The following ZNF532 variants were observed in gnomAD, a reference collection of about 807,000 sequenced individuals.
ZNF532 encodes zinc finger protein 532.
ZNF532 carries 22 observed loss-of-function variants against 89.3 expected under a neutral mutation model. That is an observed-to-expected ratio of 0.25 (90% CI 0.18 to 0.35). ZNF532 has a LOEUF of 0.35. Ranked by LOEUF, ZNF532 falls within the 10% of genes least tolerant of loss-of-function variation. The probability of loss-of-function intolerance (pLI) is 1.00; values close to 1 mark genes in which losing one functional copy is unlikely to be tolerated. For synonymous variants in ZNF532, 606 were observed against 649.6 expected, an observed-to-expected ratio of 0.93 and a Z score of 1.02; for missense variants, 1,132 against 1,643.4, an observed-to-expected ratio of 0.69 and a Z score of 5.38.
intron 2 of ZNF532, among the ~76,000 whole-genome samples, chr18:58,901,406 G>A (rs2059592270): frequency 3.3e-5 from 5 of 152,174 alleles, no homozygotes; most frequent in Admixed American, 3.3e-4. Context: ...TCAAGTGTCT[G>A]TAGAGCCATT....
At chr18:58,970,717 CAA>C (rs2066391174) in intron 7 of ZNF532, among the ~76,000 whole-genome samples, 1 of 152,202 alleles carries the variant, frequency 6.6e-6, no homozygotes, top group Non-Finnish European at 1.5e-5. Flanking sequence ...GGTATTGACC[CAA>C]GAGTCCCCTG....
At chr18:58,896,050 A>G (rs754468935) in intron 2 of ZNF532, among the ~76,000 whole-genome samples, 84 of 151,656 alleles carry the variant, frequency 5.5e-4, no homozygotes, top group Non-Finnish European at 1.1e-3. Context: ...ATGAGGTCTC[A>G]CTCTGTTGCC....
chr18:58,918,870 G>A lies in ZNF532; in HGVS notation c.583G>A (p.Val195Met), dbSNP rs1308554069. The part of the protein sequence containing the change: ...SKTGLSTSGN[V>M]EKNKAVKRET... ...AACTGGACTCTCTACGTCAGGCAAT[G>A]TGGAGAAAAACAAAGCTGTTAAGAG... is the stretch of plus-strand genomic sequence containing the variant. Residue 195 changes from valine to methionine, a missense_variant, in exon 3 of 10, where the codon GTG becomes ATG. Around this residue, in one of 9 missense-constraint regions of ZNF532, gnomAD observed 302 missense variants for 319.8 expected, o/e 0.94. Transcript: ENST00000591808. 2 of 1,614,146 alleles carry A rather than the reference G, an allele frequency of 1.2e-6. No individual in the cohort carries two copies. The highest frequency in any genetic ancestry group is 1.1e-5 in the South Asian group (1 of 91,086).
intron 2 of ZNF532, among the ~76,000 whole-genome samples, chr18:58,897,480 ATTTGCTGTATTTCACTGTAAACAG>A (rs2059325213): frequency 6.6e-6 from 1 of 152,242 alleles, no homozygotes; most frequent in Non-Finnish European, 1.5e-5. Context: ...AAATAATAGA[ATTTGCTGTATTTCACTGTAAACAG>A]TTTTGAGAAT....
chr18:58,870,895 T>C (rs1224130302), intron 2 of ZNF532, among the ~76,000 whole-genome samples: 9 of 152,090 alleles, frequency 5.9e-5, no homozygotes, highest in Middle Eastern at 3.2e-3. Context: ...TGGAGGGACT[T>C]GATACAGTGA....
At chr18:58,871,157 G>A (rs925658273) in intron 2 of ZNF532, among the ~76,000 whole-genome samples, 3 of 152,204 alleles carry the variant, frequency 2.0e-5, no homozygotes, top group African/African-American at 4.8e-5. Flanking sequence ...AGATTCCCAG[G>A]AAGGTAGAAA....
At chr18:58,939,980 G>A (rs559013745) in intron 5 of ZNF532, 4 of 159,464 alleles carry the variant, frequency 2.5e-5, no homozygotes, top group Non-Finnish European at 1.4e-5. Context: ...TGCAACCTCC[G>A]TCTCCTGGGT....
In ZNF532 at chr18:58,947,276, G is replaced by A. The variant is rs1275051705; in HGVS notation, c.2706-791G>A. 2.6e-5 allele frequency among the ~76,000 whole-genome samples: 4 copies of A among 152,274 alleles called. No homozygotes were observed. In the South Asian group the frequency reaches 6.2e-4, roughly 24 times the overall value. On this transcript the variant is annotated intron_variant, in intron 5 of 9. Transcript: ENST00000591808. ...GGCAGAGGCCGGCAGCAGGGTAGACGCAGCCCTTTACCCTCTCAAGACATC... is the reference window on the plus strand; with the variant it reads ...GGCAGAGGCCGGCAGCAGGGTAGACACAGCCCTTTACCCTCTCAAGACATC...
chr18:58,866,722 G>A (rs2056495885), intron 2 of ZNF532, among the ~76,000 whole-genome samples: 1 of 152,230 alleles, frequency 6.6e-6, no homozygotes, highest in Non-Finnish European at 1.5e-5. Flanking sequence ...TATCTGCAGT[G>A]AAGGACGTCA....
chr18:58,975,091 A>AG (rs1284070523), intron 7 of ZNF532, among the ~76,000 whole-genome samples: 1 of 152,172 alleles, frequency 6.6e-6, no homozygotes, highest in Non-Finnish European at 1.5e-5. Flanking sequence ...GCCCAGTGGA[A>AG]GGGGTCAGAG....
intron 2 of ZNF532, among the ~76,000 whole-genome samples, chr18:58,881,918 C>T (rs118028876): frequency 0.01 from 1,573 of 152,208 alleles, 11 homozygotes; most frequent in Non-Finnish European, 0.017. Context: ...ATACAAATAG[C>T]TTCTTTTTGG....
chr18:58,954,587 A>C (rs1253586619), intron 7 of ZNF532, among the ~76,000 whole-genome samples: 1 of 147,534 alleles, frequency 6.8e-6, no homozygotes, highest in African/African-American at 2.5e-5. Flanking sequence ...TGTATGGTTG[A>C]TTTCTTAGAA....
At chr18:58,870,898 T>TA in intron 2 of ZNF532, among the ~76,000 whole-genome samples, 1 of 152,130 alleles carries the variant, frequency 6.6e-6, no homozygotes, top group African/African-American at 2.4e-5. Context: ...AGGGACTTGA[T>TA]ACAGTGAGTT....
At chr18:58,939,239 G>A (rs1282713808) in intron 4 of ZNF532, among the ~76,000 whole-genome samples, 36 of 70,114 alleles carry the variant, frequency 5.1e-4, no homozygotes, top group South Asian at 1.2e-3. Context: ...AGAGCGAGAC[G>A]TTGTCTCAAA....
intron 5 of ZNF532, among the ~76,000 whole-genome samples, chr18:58,941,468 C>CTTTTTTTT (rs71302776): frequency 3.5e-5 from 4 of 114,910 alleles, no homozygotes; most frequent in Non-Finnish European, 5.1e-5. Context: ...CTCTCTCTCT[C>CTTTTTTTT]TTTTTTTTTT....
chr18:58,880,774 CT>C (rs1568227895), intron 2 of ZNF532, among the ~76,000 whole-genome samples: 31 of 142,332 alleles, frequency 2.2e-4, no homozygotes, highest in African/African-American at 5.5e-4. Context: ...GCGCGCGCGT[CT>C]GTGTGTGTGT....
intron 2 of ZNF532, among the ~76,000 whole-genome samples, chr18:58,900,651 A>G (rs545017757): frequency 2.0e-5 from 3 of 152,060 alleles, no homozygotes; most frequent in South Asian, 2.1e-4. Context: ...CTCTTCCCCA[A>G]ACTTTGTTGA....
Position 58,867,574 on chromosome 18 carries a change from T to C in ZNF532, c.-18+1995T>C, listed in dbSNP as rs1568197537. ...GGATGAGCTAGGGCATGTTCCTTCC[T>C]GGGAGAGCCAGGGGGGACCCGGTGC... On this transcript the variant is annotated intron_variant, in intron 2 of 9. Transcript: ENST00000591808. Among the ~76,000 whole-genome samples the C allele has an allele frequency of 2.6e-5, 4 of 152,220 alleles. No homozygotes were observed. In the East Asian group the frequency reaches 7.7e-4, roughly 29 times the overall value.
chr18:58,904,730 A>G (rs1432080652), intron 2 of ZNF532, among the ~76,000 whole-genome samples: 1 of 152,226 alleles, frequency 6.6e-6, no homozygotes. Context: ...TAAATCATTT[A>G]TCATCTCCGG....
Sources: gnomAD v4.1 joint callset for allele counts (sites outside exome capture counted in the v4.1 genomes callset) on GRCh38, gnomAD v4.1.1 for gene constraint, gnomAD v4.1.1 regional missense constraint, MANE v1.5 for transcripts, NCBI Gene and HGNC (gene_info 2026-07-23, HGNC 2026-07-21) for gene names.